FBRSL1: variants seen among roughly 807,000 people sequenced by gnomAD.
The protein encoded by FBRSL1 is fibrosin like 1.
Under a neutral mutation model 89.6 loss-of-function variants are expected in FBRSL1, and 51 were observed. That is an observed-to-expected ratio of 0.57 (90% CI 0.45 to 0.72). FBRSL1 has a LOEUF of 0.72. Ranked by LOEUF, FBRSL1 falls within the 30% of genes least tolerant of loss-of-function variation. FBRSL1 has a pLI of 0.00. For synonymous variants in FBRSL1, 779 were observed against 681.1 expected, an observed-to-expected ratio of 1.14 and a Z score of -2.24; for missense variants, 1,618 against 1,451.8, an observed-to-expected ratio of 1.11 and a Z score of -1.86.
chr12:132,537,556 C>T (rs944991359), intron 4 of FBRSL1, among the ~76,000 whole-genome samples: 3 of 152,154 alleles, frequency 2.0e-5, no homozygotes, highest in Non-Finnish European at 4.4e-5. Context: ...AGCATTTAGA[C>T]CCAAGGCTCA....
In FBRSL1 at chr12:132,530,009, C is replaced by T. The variant is rs148554641; in HGVS notation, c.615+2021C>T. ...AGGTGGCTGTGGGTGTCCTGACAGC[C>T]ATGGTCATGAGTATGATGACACTCC... is the stretch of plus-strand genomic sequence containing the variant. On this transcript the variant is annotated intron_variant, in intron 4 of 18. Coordinates refer to ENST00000680143, the MANE Select transcript of FBRSL1 (RefSeq NM_001367871.1). Among the ~76,000 whole-genome samples the T allele has an allele frequency of 3.3e-3, 495 of 152,304 alleles. 1 individual carries two copies. The highest frequency in any genetic ancestry group is 5.6e-3 in the Non-Finnish European group (384 of 68,020).
chr12:132,544,794 G>A (rs998608203), intron 4 of FBRSL1, among the ~76,000 whole-genome samples: 3 of 151,968 alleles, frequency 2.0e-5, no homozygotes, highest in African/African-American at 7.3e-5. Context: ...GGATGATGGT[G>A]ATGGTGGCAA....
intron 5 of FBRSL1, among the ~76,000 whole-genome samples, chr12:132,555,834 G>A (rs1398409866): frequency 6.6e-6 from 1 of 152,216 alleles, no homozygotes; most frequent in African/African-American, 2.4e-5. Context: ...CCATCTGAGG[G>A]TCAGGATGGG....
chr12:132,536,268 C>G (rs1299771600), intron 4 of FBRSL1, among the ~76,000 whole-genome samples: 1 of 148,940 alleles, frequency 6.7e-6, no homozygotes, highest in Non-Finnish European at 1.5e-5. Context: ...GCCATGTGTA[C>G]ATGATGGTGT....
At chr12:132,571,521 G>C in intron 9 of FBRSL1, 1 of 1,532,976 alleles carries the variant, frequency 6.5e-7, no homozygotes, top group Non-Finnish European at 8.8e-7. Context: ...CCGCACCCCC[G>C]CCGGTGCGTA....
intron 15 of FBRSL1, among the ~76,000 whole-genome samples, chr12:132,578,948 G>A (rs1566245746): frequency 6.6e-6 from 1 of 152,242 alleles, no homozygotes; most frequent in Non-Finnish European, 1.5e-5. Flanking sequence ...TGCAGTTTCT[G>A]GCTGTCCGCA....
intron 5 of FBRSL1, 115 bp from the exon 6 acceptor site, chr12:132,567,366 C>T: frequency 1.0e-6 from 1 of 986,798 alleles, no homozygotes; most frequent in Non-Finnish European, 1.6e-6. Flanking sequence ...CACAAGGGCA[C>T]ATCCCGCCTG....
At chr12:132,514,565 C>T (rs1004042391) in intron 2 of FBRSL1, among the ~76,000 whole-genome samples, 8 of 152,194 alleles carry the variant, frequency 5.3e-5, no homozygotes, top group South Asian at 4.1e-4. Context: ...GCCACAGGCC[C>T]GGCCACGGTG....
At chr12:132,505,638 T>C (rs1367434462) in intron 1 of FBRSL1, among the ~76,000 whole-genome samples, 1 of 151,752 alleles carries the variant, frequency 6.6e-6, no homozygotes, top group Non-Finnish European at 1.5e-5. Context: ...CAGAGTGGGG[T>C]GTTGGGTGCA....
chr12:132,579,895 T>G (rs2040626408), intron 15 of FBRSL1, among the ~76,000 whole-genome samples: 1 of 152,168 alleles, frequency 6.6e-6, no homozygotes, highest in Non-Finnish European at 1.5e-5. Context: ...TTCCTCAAGC[T>G]GTTTCTTCTG....
At chr12:132,507,911 C>T (rs766385566) in intron 1 of FBRSL1, among the ~76,000 whole-genome samples, 3 of 152,136 alleles carry the variant, frequency 2.0e-5, no homozygotes, top group Non-Finnish European at 4.4e-5. Context: ...AGCTTTTTCT[C>T]GTCTGGCCCC....
At chr12:132,524,568 T>TC (rs1566140492) in intron 2 of FBRSL1, among the ~76,000 whole-genome samples, 1 of 152,160 alleles carries the variant, frequency 6.6e-6, no homozygotes, top group African/African-American at 2.4e-5. Context: ...GGGACGGGTT[T>TC]CCCCGGGCTG....
chr12:132,572,149 G>C (rs777584329), intron 9 of FBRSL1, 139 bp from the exon 10 acceptor site: 19 of 710,604 alleles, frequency 2.7e-5, no homozygotes, highest in Non-Finnish European at 4.5e-5. Flanking sequence ...GAGGAGCCTG[G>C]GACGGCTGGC....
At chr12:132,525,239 C>T (rs2035691882) in intron 2 of FBRSL1, among the ~76,000 whole-genome samples, 1 of 152,242 alleles carries the variant, frequency 6.6e-6, no homozygotes, top group South Asian at 2.1e-4. Context: ...GTGCTGTGGG[C>T]ACAGCCAGGG....
In FBRSL1 at chr12:132,519,377, T is replaced by C. The variant is rs181330261; in HGVS notation, c.490-6357T>C. 1.5e-4 allele frequency among the ~76,000 whole-genome samples: 23 copies of C among 152,304 alleles called. 1 individual carries two copies. Among genetic ancestry groups the C allele is most frequent in the Admixed American group, 1.2e-3 (18 of 15,306 alleles). On this transcript the variant is annotated intron_variant, in intron 2 of 18. Coordinates refer to ENST00000680143, the MANE Select transcript of FBRSL1 (RefSeq NM_001367871.1). ...GAAGCAGGGCCACAGCCATACTGCG[T>C]GGTGTTAGCCTGGAGGAGGGGATGG...
intron 4 of FBRSL1, 142 bp from the exon 5 acceptor site, chr12:132,547,861 C>A (rs1259159619): frequency 3.6e-6 from 3 of 834,368 alleles, no homozygotes; most frequent in African/African-American, 3.4e-5. Context: ...GCCCCGACCA[C>A]CTGGGCCTGC....
At chr12:132,543,149 A>C (rs1390194007) in intron 4 of FBRSL1, among the ~76,000 whole-genome samples, 1 of 152,090 alleles carries the variant, frequency 6.6e-6, no homozygotes, top group Non-Finnish European at 1.5e-5. Context: ...TGAAGATGAC[A>C]CTGATGGCAG....
chr12:132,498,931 C>T (rs1227944855), intron 1 of FBRSL1, among the ~76,000 whole-genome samples: 5 of 152,346 alleles, frequency 3.3e-5, no homozygotes, highest in African/African-American at 4.8e-5. Flanking sequence ...AGCCAGGTCC[C>T]GTGGCCACCT....
chr12:132,531,173 GCCCAGGAGCAGGACAGGA>G (rs139946264), intron 4 of FBRSL1, among the ~76,000 whole-genome samples: 10,346 of 151,514 alleles, frequency 0.068, 1,177 homozygotes, highest in African/African-American at 0.23. Flanking sequence ...TGGGACGCAT[GCCCAGGAGCAGGACAGGA>G]CCCAGGAGCA....
Sources: allele counts gnomAD v4.1 joint callset (sites outside exome capture counted in the v4.1 genomes callset), GRCh38; gene constraint gnomAD v4.1.1; transcripts MANE v1.5; gene names NCBI Gene and HGNC (gene_info 2026-07-23, HGNC 2026-07-21).